The following DLG2 variants were observed in gnomAD, a reference collection of about 807,000 sequenced individuals.
DLG2 encodes disks large homolog 2.
Under a neutral mutation model 132.5 loss-of-function variants are expected in DLG2, and 45 were observed. That is an observed-to-expected ratio of 0.34 (90% confidence interval 0.27 to 0.44). DLG2 has a LOEUF of 0.44. Among genes scored for constraint, DLG2 ranks in the 20% least tolerant of loss-of-function variants. The pLI, the probability that DLG2 is intolerant of heterozygous loss-of-function variation, is 1.00. For synonymous variants in DLG2, 424 were observed against 419.6 expected, an observed-to-expected ratio of 1.01 and a Z score of -0.13; for missense variants, 1,045 against 1,196.9, an observed-to-expected ratio of 0.87 and a Z score of 1.87.
At chr11:84,653,966 A>G (rs940827539) in intron 6 of DLG2, among the ~76,000 whole-genome samples, 5 of 152,170 alleles carry the variant, frequency 3.3e-5, no homozygotes, top group African/African-American at 1.2e-4. Context: ...CCTCATGCAA[A>G]TTCAGTGTTG....
intron 26 of DLG2, among the ~76,000 whole-genome samples, chr11:83,463,993 T>C (rs1075719): frequency 0.28 from 42,549 of 152,182 alleles, 6,047 homozygotes; most frequent in African/African-American, 0.32. Context: ...GCATGTGGCA[T>C]GGAGACTGAT....
At chr11:84,816,042 T>A (rs933543957) in intron 6 of DLG2, among the ~76,000 whole-genome samples, 5 of 151,894 alleles carry the variant, frequency 3.3e-5, no homozygotes, top group African/African-American at 4.8e-5. Context: ...GACAAATGAG[T>A]GGAAGTAACA....
chr11:84,213,203 G>C (rs1274003233), intron 8 of DLG2, among the ~76,000 whole-genome samples: 1 of 152,166 alleles, frequency 6.6e-6, no homozygotes, highest in East Asian at 1.9e-4. Context: ...TACACCACAA[G>C]AAGGATTAAT....
chr11:85,297,915 A>G (rs1379229783), intron 3 of DLG2, among the ~76,000 whole-genome samples: 1 of 152,210 alleles, frequency 6.6e-6, no homozygotes, highest in Non-Finnish European at 1.5e-5. Flanking sequence ...AGGAAGGCCA[A>G]ATAGGCTACA....
At chr11:85,598,162 A>T (rs2079912070) in intron 3 of DLG2, among the ~76,000 whole-genome samples, 1 of 152,056 alleles carries the variant, frequency 6.6e-6, no homozygotes, top group South Asian at 2.1e-4. Flanking sequence ...AAACTTTTCA[A>T]TTCTGGATCA....
At chr11:84,177,038 T>C (rs116654629) in intron 8 of DLG2, among the ~76,000 whole-genome samples, 21 of 152,242 alleles carry the variant, frequency 1.4e-4, no homozygotes, top group African/African-American at 4.8e-4. Flanking sequence ...GATACTCCTT[T>C]AATATAGTAA....
At chr11:84,912,090 C>A (rs2154077940) in intron 6 of DLG2, among the ~76,000 whole-genome samples, 1 of 152,300 alleles carries the variant, frequency 6.6e-6, no homozygotes, top group East Asian at 1.9e-4. Flanking sequence ...AGATAACCAC[C>A]AAATTTAAAG....
At chr11:84,762,036 T>A (rs2067700802) in intron 6 of DLG2, 3 of 152,142 alleles carry the variant, frequency 2.0e-5, no homozygotes, top group Admixed American at 2.0e-4. Flanking sequence ...TATTTTGGCT[T>A]GATCTAAACA....
chr11:84,810,724 G>T (rs1222709485), intron 6 of DLG2, among the ~76,000 whole-genome samples: 1 of 152,096 alleles, frequency 6.6e-6, no homozygotes, highest in African/African-American at 2.4e-5. Flanking sequence ...TAAACAAGCT[G>T]CAGTGTGTCA....
At chr11:84,873,270 T>C (rs2085771693) in intron 6 of DLG2, among the ~76,000 whole-genome samples, 1 of 152,034 alleles carries the variant, frequency 6.6e-6, no homozygotes, top group Non-Finnish European at 1.5e-5. Flanking sequence ...CAATGCACTG[T>C]CAAGGTGGAG....
intron 3 of DLG2, among the ~76,000 whole-genome samples, chr11:85,387,143 C>G: frequency 6.6e-6 from 1 of 152,182 alleles, no homozygotes; most frequent in East Asian, 1.9e-4. Context: ...CTGCCTCAGA[C>G]TCCCAAAGTG....
At chr11:85,471,920 A>T (rs1339884848) in intron 3 of DLG2, among the ~76,000 whole-genome samples, 5 of 152,044 alleles carry the variant, frequency 3.3e-5, no homozygotes, top group African/African-American at 4.8e-5. Context: ...TCTTAGATTT[A>T]AAAAAAAGAC....
At chr11:83,541,267 T>C (rs2096059910) in intron 20 of DLG2, among the ~76,000 whole-genome samples, 2 of 152,212 alleles carry the variant, frequency 1.3e-5, no homozygotes, top group Non-Finnish European at 2.9e-5. Context: ...AGCCAGGACC[T>C]TAGCCTAGTA....
chr11:85,107,611 G>A (rs183578187), intron 6 of DLG2, among the ~76,000 whole-genome samples: 121 of 152,054 alleles, frequency 8.0e-4, no homozygotes, highest in African/African-American at 2.9e-3. Context: ...AGAAACTGTG[G>A]ACATTTTCTC....
chr11:84,014,146 C>CTGCTGT (rs71066081), intron 11 of DLG2, among the ~76,000 whole-genome samples: 3,353 of 152,158 alleles, frequency 0.022, 65 homozygotes, highest in Middle Eastern at 0.034. Context: ...ATTATGTCAG[C>CTGCTGT]TGCTGTTGCT....
At chr11:84,250,047 T>C (rs2097351741) in intron 8 of DLG2, among the ~76,000 whole-genome samples, 1 of 152,198 alleles carries the variant, frequency 6.6e-6, no homozygotes, top group Admixed American at 6.5e-5. Context: ...GACCGCCAGT[T>C]CTTTTGAGGT....
At chr11:85,301,645 A>T (rs1467144007) in intron 3 of DLG2, among the ~76,000 whole-genome samples, 1 of 152,220 alleles carries the variant, frequency 6.6e-6, no homozygotes, top group East Asian at 1.9e-4. Flanking sequence ...CTCCAAGAAC[A>T]CAAAGCCAGT....
At position 83,960,335 on chromosome 11, in the gene DLG2, T is replaced by C. The variant is rs193182135; in HGVS notation, c.1340+2550A>G. Among the ~76,000 whole-genome samples, 379 of 152,200 alleles carry C rather than the reference T, an allele frequency of 2.5e-3. 2 individuals carry two copies. Among genetic ancestry groups the C allele is most frequent in the African/African-American group, 8.8e-3 (367 of 41,552 alleles). Reference sequence around the variant, plus strand: ...CTGCTAGTGCTACATAAGGGCACTTTAGAGAACTGACCCTACTTTTGCTTG... The same window carrying C: ...CTGCTAGTGCTACATAAGGGCACTTCAGAGAACTGACCCTACTTTTGCTTG... On this transcript the variant is annotated intron_variant, in intron 14 of 27. Coordinates refer to ENST00000376104, the MANE Select transcript of DLG2 (RefSeq NM_001142699.3).
chr11:84,929,899 A>AT (rs1217892943), intron 6 of DLG2, among the ~76,000 whole-genome samples: 2 of 152,064 alleles, frequency 1.3e-5, no homozygotes, highest in Non-Finnish European at 2.9e-5. Context: ...ACTTGCAAAG[A>AT]TTTTTTTAAA....
Sources: gnomAD v4.1 joint callset for allele counts (sites outside exome capture counted in the v4.1 genomes callset) on GRCh38, gnomAD v4.1.1 for gene constraint, MANE v1.5 for transcripts, NCBI Gene and HGNC (gene_info 2026-07-23, HGNC 2026-07-21) for gene names.